Variants in NUP210L observed in about 807,000 individuals in gnomAD.
NUP210L encodes nuclear pore membrane glycoprotein 210-like.
NUP210L carries 74 observed loss-of-function variants against 208.5 expected under a neutral mutation model. That is an observed-to-expected ratio of 0.35 (90% CI 0.29 to 0.43). The LOEUF (loss-of-function observed/expected upper bound fraction) is 0.43, where lower values mean the gene tolerates loss of function less well. NUP210L is among the 20% of genes least tolerant of loss of function. NUP210L has a pLI of 1.00. For missense variants in NUP210L, 1,843 were observed against 2,289.4 expected (o/e 0.81, Z 3.98); for synonymous variants, 780 against 816.9 (o/e 0.95, Z 0.77).
intron 13 of NUP210L, among the ~76,000 whole-genome samples, chr1:154,100,654 G>A (rs1050280528): frequency 2.7e-4 from 40 of 150,040 alleles, no homozygotes; most frequent in African/African-American, 9.5e-4. Context: ...GAGTAACTGG[G>A]ATTACAGGCA....
chr1:154,094,014 T>C (rs183947432), intron 15 of NUP210L, among the ~76,000 whole-genome samples: 1,540 of 152,194 alleles, frequency 0.01, 12 homozygotes, highest in Non-Finnish European at 0.016. Context: ...CTGGGCATGG[T>C]TGCTCACGCC....
chr1:154,139,679 C>CA lies in NUP210L; in HGVS notation c.717+122dup. On this transcript the variant is annotated intron_variant, in intron 5 of 39. Coordinates refer to ENST00000368559, the Ensembl canonical transcript of NUP210L. ...CCCTGTCTGTCTCTACAAAAACAAA[C>CA]AAACAAACAAAAAAAAAAAAAAAAC... is the stretch of plus-strand genomic sequence containing the variant. 3 of 736,538 alleles carry CA rather than the reference C, an allele frequency of 4.1e-6. No individual in the cohort carries two copies. The East Asian group carries it at 8.3e-5, about 20-fold the overall frequency. The allele number at this position is 736,538 out of a possible 1,614,324, so 45.6% of individuals were successfully genotyped here.
chr1:154,103,619 C>T (rs1313837799), intron 13 of NUP210L, among the ~76,000 whole-genome samples: 1 of 146,402 alleles, frequency 6.8e-6, no homozygotes, highest in Non-Finnish European at 1.5e-5. Context: ...TTGCAGTGAG[C>T]CGAGATCGCG....
chr1:154,048,081 G>A (rs757608528), intron 25 of NUP210L, among the ~76,000 whole-genome samples: 7 of 152,136 alleles, frequency 4.6e-5, no homozygotes, highest in Non-Finnish European at 8.8e-5. Flanking sequence ...AAAGTATATC[G>A]AAATAACAGA....
At chr1:154,149,422 GA>G (rs1209076768) in intron 2 of NUP210L, among the ~76,000 whole-genome samples, 1 of 151,796 alleles carries the variant, frequency 6.6e-6, no homozygotes, top group East Asian at 1.9e-4. Flanking sequence ...TGACCATAAA[GA>G]AAAAAAACTG....
intron 33 of NUP210L, among the ~76,000 whole-genome samples, chr1:154,015,182 A>G (rs1651166226): frequency 6.6e-6 from 1 of 151,324 alleles, no homozygotes; most frequent in South Asian, 2.1e-4. Flanking sequence ...AGCATCCATT[A>G]GTTATTCTTC....
At chr1:154,102,733 A>G (rs1656530253) in intron 13 of NUP210L, among the ~76,000 whole-genome samples, 2 of 152,226 alleles carry the variant, frequency 1.3e-5, no homozygotes, top group Admixed American at 6.5e-5. Flanking sequence ...GAAGTTCAAT[A>G]GCAGGAAAGG....
intron 34 of NUP210L, among the ~76,000 whole-genome samples, chr1:154,011,038 A>G (rs1394493012): frequency 2.6e-5 from 4 of 152,086 alleles, no homozygotes; most frequent in African/African-American, 9.7e-5. Context: ...CTTAAGAGGA[A>G]TCATATAGAC....
intron 33 of NUP210L, among the ~76,000 whole-genome samples, chr1:154,015,741 A>AC (rs1327705252): frequency 3.1e-4 from 47 of 150,440 alleles, no homozygotes; most frequent in African/African-American, 1.1e-3. Context: ...ACACACACAC[A>AC]CACACACACC....
intron 30 of NUP210L, among the ~76,000 whole-genome samples, chr1:154,025,031 G>C (rs1315513509): frequency 6.8e-5 from 10 of 147,858 alleles, no homozygotes; most frequent in African/African-American, 1.7e-4. Flanking sequence ...GGGGTTCACG[G>C]CATTCTCCTG....
chr1:154,049,224 C>G (rs1394192311), intron 25 of NUP210L, among the ~76,000 whole-genome samples: 1 of 152,124 alleles, frequency 6.6e-6, no homozygotes, highest in Non-Finnish European at 1.5e-5. Flanking sequence ...GCCCAATGGA[C>G]AACCTGGGAC....
chr1:154,106,319 G>C (rs915918392), intron 12 of NUP210L, among the ~76,000 whole-genome samples: 1 of 152,008 alleles, frequency 6.6e-6, no homozygotes, highest in South Asian at 2.1e-4. Flanking sequence ...TTGCAGCTTG[G>C]GTGCCAGCTT....
chr1:154,025,519 T>G (rs748539702), intron 30 of NUP210L, 23 bp downstream of exon 30: 2 of 1,453,682 alleles, frequency 1.4e-6, no homozygotes, highest in South Asian at 3.2e-5. Context: ...TATTTGTTTT[T>G]TTTAGTAAGT....
intron 37 of NUP210L, chr1:153,996,023 T>C (rs557953794): frequency 3.0e-4 from 113 of 372,610 alleles, no homozygotes; most frequent in African/African-American, 1.8e-3. Flanking sequence ...CCTGGCGTGG[T>C]GGCTCACACC....
intron 16 of NUP210L, among the ~76,000 whole-genome samples, chr1:154,074,541 T>G (rs1269693516): frequency 6.7e-6 from 1 of 148,786 alleles, no homozygotes; most frequent in African/African-American, 2.5e-5. Flanking sequence ...AAGGATGGAG[T>G]GCAGTGGCAC....
chr1:154,089,669 A>G, intron 15 of NUP210L, 75 bp from the exon 16 acceptor site: 1 of 1,241,424 alleles, frequency 8.1e-7, no homozygotes, highest in Non-Finnish European at 1.2e-6. Flanking sequence ...TAAATGTGTT[A>G]GAATTATTCA....
exon 15 of NUP210L, chr1:154,095,103 C>A (rs554544199): frequency 6.2e-7 from 1 of 1,614,104 alleles, no homozygotes; most frequent in South Asian, 1.1e-5. Context: ...CTTCAAATAC[C>A]ATTTCCTTCA....
chr1:153,992,800 C>T (rs745528494), exon 40 of NUP210L: 2 of 1,399,092 alleles, frequency 1.4e-6, no homozygotes, highest in African/African-American at 1.5e-5. Flanking sequence ...AATCTTCATT[C>T]CCCTGCAGTT....
chr1:154,140,534 G>A (rs1658796192), intron 4 of NUP210L, among the ~76,000 whole-genome samples: 1 of 151,142 alleles, frequency 6.6e-6, no homozygotes, highest in East Asian at 1.9e-4. Flanking sequence ...GGGCGTGGTG[G>A]CAGGCACCTG....
Sources: gnomAD v4.1 joint callset for allele counts (sites outside exome capture counted in the v4.1 genomes callset) on GRCh38, gnomAD v4.1.1 for gene constraint, MANE v1.5 for transcripts, NCBI Gene and HGNC (gene_info 2026-07-23, HGNC 2026-07-21) for gene names.